Variants in KATNBL1 observed in about 807,000 individuals in gnomAD.
KATNBL1 encodes the protein KATNB1-like protein 1.
KATNBL1 carries 28 observed loss-of-function variants against 44.7 expected under a neutral mutation model. The ratio of observed to expected loss-of-function variants is 0.63; its 90% CI spans 0.46 to 0.86. The LOEUF is 0.86. Ranked by LOEUF, KATNBL1 falls within the 40% of genes least tolerant of loss-of-function variation. The pLI is 0.00. For synonymous variants in KATNBL1, 78 were observed against 114.9 expected, an observed-to-expected ratio of 0.68 and a Z score of 2.06; for missense variants, 272 against 350.7, an observed-to-expected ratio of 0.78 and a Z score of 1.79.
chr15:34,188,798 T>C (rs74550976), intron 1 of KATNBL1, among the ~76,000 whole-genome samples: 15,676 of 152,264 alleles, frequency 0.1, 1,057 homozygotes, highest in Non-Finnish European at 0.15. Flanking sequence ...GAGGCCTGCA[T>C]TCAAGAGTCC....
intron 9 of KATNBL1, among the ~76,000 whole-genome samples, chr15:34,144,497 T>C (rs1320993703): frequency 1.3e-5 from 2 of 151,430 alleles, no homozygotes; most frequent in Non-Finnish European, 2.9e-5. Flanking sequence ...GATAGCAGTA[T>C]GCCCGGTAAT....
chr15:34,182,505 AGAGT>A (rs1292524611), intron 1 of KATNBL1, among the ~76,000 whole-genome samples: 2 of 152,166 alleles, frequency 1.3e-5, no homozygotes, highest in Non-Finnish European at 2.9e-5. Context: ...GACACTTTTG[AGAGT>A]GAAAGGAGTT....
intron 8 of KATNBL1, chr15:34,146,121 T>C (rs912910265): frequency 2.0e-5 from 3 of 152,268 alleles, no homozygotes; most frequent in African/African-American, 7.2e-5. Context: ...AATTTTTGTA[T>C]TTTTTGTAGA....
At chr15:34,145,708 G>A (rs1366063864) in intron 8 of KATNBL1, 5 of 277,276 alleles carry the variant, frequency 1.8e-5, no homozygotes, top group Non-Finnish European at 2.4e-5. Flanking sequence ...AAAATTAAAG[G>A]TTTATCCACA....
At chr15:34,200,487 G>A (rs1172779759) in intron 1 of KATNBL1, among the ~76,000 whole-genome samples, 4 of 151,030 alleles carry the variant, frequency 2.6e-5, no homozygotes, top group African/African-American at 9.7e-5. Context: ...GGTCTCGAAC[G>A]CCTGACCTCT....
chr15:34,163,539 T>C, intron 2 of KATNBL1, 21 bp downstream of exon 2: 1 of 1,578,712 alleles, frequency 6.3e-7, no homozygotes, highest in Non-Finnish European at 8.5e-7. Context: ...CTTATCTGTT[T>C]TCTAGAAACC....
At chr15:34,161,554 T>C (rs1426330846) in intron 2 of KATNBL1, among the ~76,000 whole-genome samples, 1 of 152,226 alleles carries the variant, frequency 6.6e-6, no homozygotes, top group East Asian at 1.9e-4. Context: ...CCTGGAGTGG[T>C]TGCAAAAGCA....
At chr15:34,194,358 T>C (rs1274968705) in intron 1 of KATNBL1, among the ~76,000 whole-genome samples, 1 of 152,116 alleles carries the variant, frequency 6.6e-6, no homozygotes, top group Non-Finnish European at 1.5e-5. Context: ...CCTGTAATTC[T>C]AGCACTTTGA....
At chr15:34,191,977 A>G (rs954942528) in intron 1 of KATNBL1, among the ~76,000 whole-genome samples, 1 of 150,104 alleles carries the variant, frequency 6.7e-6, no homozygotes, top group African/African-American at 2.5e-5. Flanking sequence ...AAAAAAATCC[A>G]TCCTACAGAT....
At position 34,140,869 on chromosome 15, in the gene KATNBL1, T is replaced by G. The variant is rs908289321; in HGVS notation, c.*1470A>C. The G allele has an allele frequency of 6.6e-6, 1 of 152,142 alleles. No homozygotes were observed. The highest frequency in any genetic ancestry group is 1.5e-5 in the Non-Finnish European group (1 of 67,990). 9.4% of individuals were successfully genotyped at this position (152,142 alleles called of 1,614,324 possible). A position where few individuals can be genotyped will look rare whatever the true frequency, so the allele number is the denominator to read the frequency against. Reference sequence around the variant, plus strand: ...CAATTATTACAATTCATGTTCACTGTGAGGAATATCTAGCTATATAAAATA... The same window carrying G: ...CAATTATTACAATTCATGTTCACTGGGAGGAATATCTAGCTATATAAAATA... On this transcript the variant is annotated 3_prime_UTR_variant, in exon 10 of 10. Coordinates refer to ENST00000256544, the MANE Select transcript of KATNBL1 (RefSeq NM_024713.3).
intron 1 of KATNBL1, among the ~76,000 whole-genome samples, chr15:34,185,937 G>C (rs1889702523): frequency 1.3e-5 from 2 of 152,188 alleles, no homozygotes; most frequent in Non-Finnish European, 2.9e-5. Flanking sequence ...GATACTGTCT[G>C]AGAGTCCTGC....
chr15:34,197,894 C>T (rs1761770454), intron 1 of KATNBL1, among the ~76,000 whole-genome samples: 1 of 152,062 alleles, frequency 6.6e-6, no homozygotes, highest in Admixed American at 6.5e-5. Context: ...ATTACAGGCA[C>T]ACGCCACCAC....
At chr15:34,152,465 G>A (rs970692689) in intron 4 of KATNBL1, among the ~76,000 whole-genome samples, 2 of 152,188 alleles carry the variant, frequency 1.3e-5, no homozygotes, top group East Asian at 1.9e-4. Context: ...GGCTCCAGGC[G>A]TGAGCCACTG....
At chr15:34,200,541 G>A (rs981240321) in intron 1 of KATNBL1, among the ~76,000 whole-genome samples, 7 of 151,572 alleles carry the variant, frequency 4.6e-5, no homozygotes, top group African/African-American at 9.7e-5. Flanking sequence ...GATTACAGGC[G>A]TGAGCCACCA....
chr15:34,182,180 G>A (rs1889587786), intron 1 of KATNBL1, among the ~76,000 whole-genome samples: 1 of 148,582 alleles, frequency 6.7e-6, no homozygotes, highest in Non-Finnish European at 1.5e-5. Flanking sequence ...CAATTAATAT[G>A]AGAGATTAAG....
intron 2 of KATNBL1, among the ~76,000 whole-genome samples, chr15:34,157,900 C>A (rs996277574): frequency 2.0e-4 from 30 of 152,128 alleles, no homozygotes; most frequent in Non-Finnish European, 4.4e-5. Flanking sequence ...TCCTATTAAT[C>A]CAAACCTGGG....
chr15:34,142,198 C>A lies in KATNBL1; in HGVS notation c.*141G>T, dbSNP rs1315679519. ...ATTGCTGGGATTTCATTAGTGGTTT[C>A]ATTACGTGGCTTTTTAAAAGAAAAA... On this transcript the variant is annotated 3_prime_UTR_variant, in exon 10 of 10. Coordinates refer to ENST00000256544, the MANE Select transcript of KATNBL1 (RefSeq NM_024713.3). 3 of 756,922 alleles carry A rather than the reference C, an allele frequency of 4.0e-6. No homozygotes were observed. Among genetic ancestry groups the A allele is most frequent in the Non-Finnish European group, 5.7e-6 (3 of 523,700 alleles). 46.9% of individuals were successfully genotyped at this position (756,922 alleles called of 1,614,324 possible). A position where few individuals can be genotyped will look rare whatever the true frequency, so the allele number is the denominator to read the frequency against.
At chr15:34,198,132 C>CATACAA (rs1277326969) in intron 1 of KATNBL1, 1 of 152,156 alleles carries the variant, frequency 6.6e-6, no homozygotes, top group Non-Finnish European at 1.5e-5. Context: ...AGCCTTGCAA[C>CATACAA]ATACAAATTC....
chr15:34,184,231 G>A (rs35418206), intron 1 of KATNBL1, among the ~76,000 whole-genome samples: 5 of 151,908 alleles, frequency 3.3e-5, no homozygotes, highest in South Asian at 2.1e-4. Context: ...GCGTGAACCC[G>A]AGAGGCTGAG....
Sources: allele counts gnomAD v4.1 joint callset (sites outside exome capture counted in the v4.1 genomes callset), GRCh38; gene constraint gnomAD v4.1.1; transcripts MANE v1.5; gene names NCBI Gene and HGNC (gene_info 2026-07-23, HGNC 2026-07-21).